UBAP2L: variants seen among roughly 807,000 people sequenced by gnomAD.
UBAP2L encodes ubiquitin associated protein 2 like, also known as ubiquitin-associated protein 2-like.
UBAP2L carries 12 observed loss-of-function variants against 130.6 expected under a neutral mutation model. That is an observed-to-expected ratio of 0.09 (90% CI 0.06 to 0.15). The LOEUF is 0.15. Ranked by LOEUF, UBAP2L falls within the 10% of genes least tolerant of loss-of-function variation. The pLI is 1.00. For synonymous variants in UBAP2L, 503 were observed against 524.7 expected (o/e 0.96, Z 0.57); for missense variants, 965 against 1,332.5 (o/e 0.72, Z 4.29).
At chr1:154,226,470 T>C (rs892107201) in intron 2 of UBAP2L, among the ~76,000 whole-genome samples, 1 of 152,234 alleles carries the variant, frequency 6.6e-6, no homozygotes, top group African/African-American at 2.4e-5. Context: ...ACATCCCCCT[T>C]ACGCATTTTT....
At chr1:154,222,126 T>C (rs977584968) in intron 1 of UBAP2L, among the ~76,000 whole-genome samples, 22 of 152,216 alleles carry the variant, frequency 1.4e-4, no homozygotes, top group Non-Finnish European at 2.4e-4. Context: ...CCTTTGACTC[T>C]CCCTGATTAT....
chr1:154,232,265 A>C (rs148571045), intron 4 of UBAP2L, among the ~76,000 whole-genome samples: 8 of 151,696 alleles, frequency 5.3e-5, no homozygotes, highest in Admixed American at 2.6e-4. Flanking sequence ...CGGAGGTTGC[A>C]GTGAGCCGAG....
chr1:154,254,863 C>G lies in UBAP2L; in HGVS notation c.1882C>G (p.Gln628Glu). ...KNGFSSVQAT[Q>E]LQTTQSVEGA... is the part of the protein sequence containing the mutation. The stretch of plus-strand genomic sequence containing the variant: ...TGGCTTCAGTTCTGTGCAGGCCACG[C>G]AGTTACAGACCACACAATCTGTTGA... Residue 628 changes from glutamine to glutamate, a missense_variant, in exon 16 of 27, where the codon CAG (glutamine) becomes GAG (glutamate). By Grantham distance (29) the Gln-to-Glu change is conservative. This residue lies in a region of UBAP2L where 393 missense variants were observed against 408.1 expected (regional missense o/e 0.96). Transcript: ENST00000428931. 1.9e-6 allele frequency: 3 copies of G among 1,603,772 alleles called. No individual in the cohort carries two copies. The highest frequency in any genetic ancestry group is 2.5e-6 in the Non-Finnish European group (3 of 1,177,680).
chr1:154,239,508 T>C (rs1672788370), intron 8 of UBAP2L, among the ~76,000 whole-genome samples: 1 of 152,266 alleles, frequency 6.6e-6, no homozygotes, highest in Non-Finnish European at 1.5e-5. Context: ...GTTACACTGA[T>C]TGCTTTCTGC....
chr1:154,255,535 C>G, intron 17 of UBAP2L, 148 bp from the exon 18 acceptor site: 16 of 1,106,778 alleles, frequency 1.4e-5, no homozygotes, highest in Non-Finnish European at 2.0e-5. Context: ...TGCTCTCTAC[C>G]CCTGGCTGGC....
intron 1 of UBAP2L, among the ~76,000 whole-genome samples, chr1:154,223,335 A>G (rs1666926216): frequency 6.6e-6 from 1 of 152,196 alleles, no homozygotes; most frequent in Admixed American, 6.5e-5. Flanking sequence ...AATAGATATC[A>G]CATGTGGAGT....
At chr1:154,220,668 G>A, upstream of UBAP2L, 5 of 553,038 alleles carry the variant, frequency 9.0e-6, no homozygotes, top group South Asian at 8.3e-5. Context: ...GCTCAGACGC[G>A]GAACTACGAC....
At chr1:154,266,415 A>G in intron 24 of UBAP2L, 86 bp from the exon 25 acceptor site, 1 of 1,412,732 alleles carries the variant, frequency 7.1e-7, no homozygotes, top group East Asian at 2.3e-5. Flanking sequence ...GTATAGCTAG[A>G]AAGGCTACAG....
Position 154,251,083 on chromosome 1 carries a change from C to G in UBAP2L, c.1256C>G (p.Thr419Arg). 6.2e-7 allele frequency: 1 copy of G among 1,614,070 alleles called. No homozygotes were observed. The highest frequency in any genetic ancestry group is 8.5e-7 in the Non-Finnish European group (1 of 1,179,976). Residue 419 changes from threonine to arginine, a missense_variant, in exon 13 of 27, where the codon ACA becomes AGA. Transcript: ENST00000428931. Reference protein sequence around the residue: ...PSDSAVHSPFTKRQAFTPSST... With the variant: ...PSDSAVHSPFRKRQAFTPSST... ...GATTCAGCAGTGCACAGCCCCTTTA[C>G]AAAGCGCCAGGCTTTTACCCCATCT... is the stretch of plus-strand genomic sequence containing the variant.
rs549351388 is a variant in UBAP2L at position 154,270,760 on chromosome 1, T to C, written c.*465T>C. ...TTGTCAGATGAATTAGTTGAAGTGG[T>C]TTTTTTTTTGTTTTTTTTTTTTTTT... On this transcript the variant is annotated 3_prime_UTR_variant, in exon 27 of 27. Coordinates refer to ENST00000428931, the MANE Select transcript of UBAP2L (RefSeq NM_014847.4). 8.3e-7 allele frequency: 1 copy of C among 1,210,282 alleles called. No individual in the cohort carries two copies. The highest frequency in any genetic ancestry group is 1.0e-6 in the Non-Finnish European group (1 of 955,232). The allele number at this position is 1,210,282 out of a possible 1,614,324, so 75.0% of individuals were successfully genotyped here. A position where few individuals can be genotyped will look rare whatever the true frequency, so the allele number is the denominator to read the frequency against.
chr1:154,262,905 C>T (rs959520974), intron 24 of UBAP2L, among the ~76,000 whole-genome samples: 2 of 151,946 alleles, frequency 1.3e-5, no homozygotes, highest in East Asian at 3.9e-4. Flanking sequence ...TTAGTTGGAC[C>T]AGGTTCACGA....
chr1:154,247,548 G>A (rs1675929773), intron 11 of UBAP2L, among the ~76,000 whole-genome samples: 1 of 152,056 alleles, frequency 6.6e-6, no homozygotes, highest in Non-Finnish European at 1.5e-5. Context: ...AATTTACAAC[G>A]AAATCAGACT....
At position 154,270,610 on chromosome 1, in the gene UBAP2L, G is replaced by A. The variant is rs1019750490; in HGVS notation, c.*315G>A. The A allele has an allele frequency of 2.1e-5, 30 of 1,413,048 alleles. No individual in the cohort carries two copies. Among genetic ancestry groups the A allele is most frequent in the Middle Eastern group, 1.8e-4 (1 of 5,440 alleles). The allele number at this position is 1,413,048 out of a possible 1,614,324, so 87.5% of individuals were successfully genotyped here. On this transcript the variant is annotated 3_prime_UTR_variant, in exon 27 of 27. Coordinates refer to ENST00000428931, the MANE Select transcript of UBAP2L (RefSeq NM_014847.4). The stretch of plus-strand genomic sequence containing the variant: ...CCTCCTGTTCACCCTGGTGGTGTAC[G>A]GATGAGGCGGGGAGGTGGGACCCCC...
chr1:154,268,718 G>T, intron 25 of UBAP2L, 39 bp from the exon 26 acceptor site: 1 of 1,604,260 alleles, frequency 6.2e-7, no homozygotes, highest in South Asian at 1.1e-5. Context: ...CTAGTTTGCT[G>T]ATCCCTTTTA....
At chr1:154,228,751 G>A in intron 4 of UBAP2L, 26 bp downstream of exon 4, 1 of 1,552,498 alleles carries the variant, frequency 6.4e-7, no homozygotes, top group Non-Finnish European at 8.8e-7. Flanking sequence ...AGTGTTCTAG[G>A]ACATGGGTCC....
intron 12 of UBAP2L, 75 bp downstream of exon 12, chr1:154,249,512 G>T: frequency 1.9e-6 from 3 of 1,575,986 alleles, no homozygotes; most frequent in Non-Finnish European, 2.6e-6. Flanking sequence ...GGGGGAGGGG[G>T]TGGAGAATGT....
At chr1:154,220,386 G>A, upstream of UBAP2L, 1 of 1,614,230 alleles carries the variant, frequency 6.2e-7, no homozygotes, top group Non-Finnish European at 8.5e-7. Flanking sequence ...ACCCCGGAGA[G>A]CCAGTTACTG....
intron 2 of UBAP2L, among the ~76,000 whole-genome samples, chr1:154,226,278 A>G (rs939571346): frequency 3.3e-5 from 5 of 152,266 alleles, no homozygotes; most frequent in African/African-American, 1.2e-4. Flanking sequence ...CTTCAAAATT[A>G]AATGAAACAC....
In UBAP2L at chr1:154,252,805, C is replaced by G. The variant is rs1678222314; in HGVS notation, c.1665-1095C>G. 2.0e-5 allele frequency among the ~76,000 whole-genome samples: 3 copies of G among 152,290 alleles called. No homozygotes were observed. In the South Asian group the frequency reaches 6.2e-4, roughly 32 times the overall value. ...AACTCCTGAATGGAGATGATCTGCCCACCTTGGCCTCCAAAAGTGCTGGGA... is the reference window on the plus strand; with the variant it reads ...AACTCCTGAATGGAGATGATCTGCCGACCTTGGCCTCCAAAAGTGCTGGGA... On this transcript the variant is annotated intron_variant, in intron 14 of 26. Coordinates refer to ENST00000428931, the MANE Select transcript of UBAP2L (RefSeq NM_014847.4).
Sources: allele counts gnomAD v4.1 joint callset (sites outside exome capture counted in the v4.1 genomes callset), GRCh38; gene constraint gnomAD v4.1.1; regional missense constraint gnomAD v4.1.1; transcripts MANE v1.5; gene names NCBI Gene and HGNC (gene_info 2026-07-23, HGNC 2026-07-21).